CACNA1D: variants seen among roughly 807,000 people sequenced by gnomAD.
The protein encoded by CACNA1D is voltage-dependent L-type calcium channel subunit alpha-1D.
A neutral mutation model predicts 257.1 loss-of-function variants in CACNA1D; 55 were observed. The observed-to-expected ratio is 0.21, with a 90% CI of 0.17 to 0.27. The LOEUF is 0.27. CACNA1D is among the 10% of genes least tolerant of loss of function. The pLI is 1.00. For missense variants in CACNA1D, 1,876 were observed against 2,784.0 expected (o/e 0.67, Z 7.34); for synonymous variants, 980 against 1,014.9 (o/e 0.97, Z 0.65).
intron 18 of CACNA1D, 21 bp downstream of exon 18, chr3:53,732,103 G>A (rs1559589474): frequency 9.4e-6 from 15 of 1,591,094 alleles, no homozygotes; most frequent in Non-Finnish European, 1.1e-5. Flanking sequence ...GGAGGCCGGA[G>A]ACGCTGGCTT....
At chr3:53,622,007 G>C (rs918209388) in intron 3 of CACNA1D, among the ~76,000 whole-genome samples, 2 of 152,064 alleles carry the variant, frequency 1.3e-5, no homozygotes, top group Admixed American at 6.5e-5. Context: ...ACGCATCATC[G>C]GAGGGGCTGT....
intron 3 of CACNA1D, among the ~76,000 whole-genome samples, chr3:53,571,156 C>T (rs192513427): frequency 2.0e-5 from 3 of 152,244 alleles, no homozygotes; most frequent in Admixed American, 2.0e-4. Flanking sequence ...TTTAGGATCA[C>T]GTTTGTTGTG....
intron 3 of CACNA1D, among the ~76,000 whole-genome samples, chr3:53,545,761 A>G (rs1376095653): frequency 6.6e-6 from 1 of 152,146 alleles, no homozygotes; most frequent in South Asian, 2.1e-4. Context: ...TCTCAAAGCA[A>G]TTGGGATTCA....
intron 32 of CACNA1D, 39 bp downstream of exon 32, chr3:53,770,591 A>G (rs2095360939): frequency 1.2e-6 from 2 of 1,605,230 alleles, no homozygotes; most frequent in Admixed American, 1.7e-5. Flanking sequence ...TTGTCTTTGA[A>G]GATCATATGT....
In CACNA1D at chr3:53,494,986, T is replaced by TTA; in HGVS notation, c.-181_-180insTA. On this transcript the variant is annotated 5_prime_UTR_variant, in exon 1 of 48. Transcript: ENST00000350061. The stretch of plus-strand genomic sequence containing the variant: ...CTTGGGTGGCGAGCGGTTTTTTTTT[T>TTA]AAATCAATTATCCTTATTTTCTGTT... 1 of 401,416 alleles carries TTA rather than the reference T, an allele frequency of 2.5e-6. No homozygotes were observed. Among genetic ancestry groups the TTA allele is most frequent in the Non-Finnish European group, 4.8e-6 (1 of 208,960 alleles). The allele number at this position is 401,416 out of a possible 1,614,324, so 24.9% of individuals were successfully genotyped here. A position where few individuals can be genotyped will look rare whatever the true frequency, so the allele number is the denominator to read the frequency against.
At chr3:53,598,072 A>G (rs985994742) in intron 3 of CACNA1D, among the ~76,000 whole-genome samples, 2 of 152,166 alleles carry the variant, frequency 1.3e-5, no homozygotes, top group African/African-American at 4.8e-5. Flanking sequence ...TTTAGAGGGA[A>G]GCTCTAAAAT....
At chr3:53,729,688 A>C (rs758550783) in intron 15 of CACNA1D, among the ~76,000 whole-genome samples, 1 of 152,238 alleles carries the variant, frequency 6.6e-6, no homozygotes, top group Non-Finnish European at 1.5e-5. Flanking sequence ...TTGTTCAGTC[A>C]CCTAACCTTT....
chr3:53,670,925 A>G (rs1402677459), intron 7 of CACNA1D, among the ~76,000 whole-genome samples: 1 of 152,086 alleles, frequency 6.6e-6, no homozygotes, highest in Non-Finnish European at 1.5e-5. Flanking sequence ...CTGAAAAGGG[A>G]CTTGGATTGA....
intron 3 of CACNA1D, among the ~76,000 whole-genome samples, chr3:53,574,333 C>G (rs533305052): frequency 6.6e-6 from 1 of 152,178 alleles, no homozygotes; most frequent in Non-Finnish European, 1.5e-5. Context: ...TCCTTTGAAC[C>G]CTTCTCACCG....
intron 39 of CACNA1D, among the ~76,000 whole-genome samples, chr3:53,784,435 CT>C (rs1432311167): frequency 6.6e-6 from 1 of 152,190 alleles, no homozygotes; most frequent in African/African-American, 2.4e-5. Context: ...GTAGCTTTGA[CT>C]TTTCTTGTTC....
intron 47 of CACNA1D, 138 bp downstream of exon 47, chr3:53,810,436 A>G: frequency 1.2e-6 from 1 of 826,034 alleles, no homozygotes; most frequent in East Asian, 2.6e-5. Flanking sequence ...TCTGAGCAGC[A>G]GGAATGTACC....
At chr3:53,715,962 A>G (rs958452109) in intron 9 of CACNA1D, among the ~76,000 whole-genome samples, 2 of 152,238 alleles carry the variant, frequency 1.3e-5, no homozygotes, top group South Asian at 4.1e-4. Context: ...CCATTCCCAT[A>G]GAAAATATGT....
rs1237527829 is a variant in CACNA1D, at chr3:53,720,645, A to G, written c.1505+864A>G. Among the ~76,000 whole-genome samples the G allele has an allele frequency of 2.0e-5, 3 of 152,262 alleles. No individual in the cohort carries two copies. In the East Asian group the frequency reaches 5.8e-4, roughly 29 times the overall value. On this transcript the variant is annotated intron_variant, in intron 11 of 47. Coordinates refer to ENST00000350061, the MANE Select transcript of CACNA1D (RefSeq NM_001128840.3). ...AGAGATGTGGATGGCAGATAAGCACATGAAATGACCATCAGTTGTTACAAA... is the reference window on the plus strand; with the variant it reads ...AGAGATGTGGATGGCAGATAAGCACGTGAAATGACCATCAGTTGTTACAAA...
chr3:53,756,083 C>T (rs1012820158), intron 29 of CACNA1D, among the ~76,000 whole-genome samples: 2 of 152,144 alleles, frequency 1.3e-5, no homozygotes, highest in African/African-American at 4.8e-5. Flanking sequence ...TAGCAGGACT[C>T]GTCAGTATCT....
chr3:53,688,955 A>G (rs1215510683), intron 8 of CACNA1D, among the ~76,000 whole-genome samples: 1 of 152,080 alleles, frequency 6.6e-6, no homozygotes, highest in Non-Finnish European at 1.5e-5. Flanking sequence ...ATCATGGACT[A>G]TTACTTACAA....
rs748959993 is a variant in CACNA1D at position 53,740,365 on chromosome 3, A to T, written c.2811+26A>T. On this transcript the variant is annotated intron_variant, in intron 21 of 47. Transcript: ENST00000350061. ...GTAATGAATTTTCCTTGATCTTCAC[A>T]TACTCCACAGCAGCTGGAGCAATAA... is the stretch of plus-strand genomic sequence containing the variant. The T allele has an allele frequency of 1.0e-5, 15 of 1,484,774 alleles. No individual in the cohort carries two copies. In the South Asian group the frequency reaches 1.6e-4, roughly 16 times the overall value. The allele number at this position is 1,484,774 out of a possible 1,614,324, so 92.0% of individuals were successfully genotyped here.
At chr3:53,501,989 C>T (rs1411741825) in intron 3 of CACNA1D, among the ~76,000 whole-genome samples, 3 of 151,382 alleles carry the variant, frequency 2.0e-5, no homozygotes, top group Non-Finnish European at 4.4e-5. Context: ...TTTAAAATAA[C>T]TGTTATCTCC....
chr3:53,740,302 C>T lies in CACNA1D; in HGVS notation c.2774C>T (p.Ala925Val), dbSNP rs149224560. The T allele has an allele frequency of 3.7e-6, 6 of 1,612,266 alleles. No homozygotes were observed. The African/African-American group carries it at 6.7e-5, about 18-fold the overall frequency. ...RNTILGYFDY[A>V]FTAIFTVEIL... ...CAGATACTGGGTTACTTTGACTATG[C>T]CTTCACAGCCATCTTTACTGTTGAG... is the stretch of plus-strand genomic sequence containing the variant. The change falls in exon 21 of 48, where the codon GCC becomes GTC. Residue 925 changes from alanine (A) to valine (V), a missense_variant. Physicochemically the swap from Ala to Val is moderately conservative, Grantham distance 64. Coordinates refer to ENST00000350061, the MANE Select transcript of CACNA1D (RefSeq NM_001128840.3).
chr3:53,776,689 T>C lies in CACNA1D; in HGVS notation c.4449T>C (p.Asp1483=), dbSNP rs1158920423. The C allele has an allele frequency of 6.2e-6, 10 of 1,614,226 alleles. No homozygotes were observed. Among genetic ancestry groups the C allele is most frequent in the Non-Finnish European group, 8.5e-6 (10 of 1,180,032 alleles). The part of the protein sequence containing the change: ...DWSILGPHHL[D]EFKRIWSEYD... ...CTATTTTGGGGCCTCACCATTTAGA[T>C]GAATTCAAAAGAATATGGTCAGAAT... Residue 1483 remains aspartate (D), a synonymous_variant, in exon 36 of 48, where the codon GAT becomes GAC. Coordinates refer to ENST00000350061, the MANE Select transcript of CACNA1D (RefSeq NM_001128840.3).
Sources: allele counts gnomAD v4.1 joint callset (sites outside exome capture counted in the v4.1 genomes callset), GRCh38; gene constraint gnomAD v4.1.1; transcripts MANE v1.5; gene names NCBI Gene and HGNC (gene_info 2026-07-23, HGNC 2026-07-21).